CSMD1: variants seen among roughly 807,000 people sequenced by gnomAD.
The protein encoded by CSMD1 is CUB and sushi domain-containing protein 1.
A neutral mutation model predicts 417.5 loss-of-function variants in CSMD1; 213 were observed. That is an observed-to-expected ratio of 0.51 (90% confidence interval 0.46 to 0.57). The LOEUF is 0.57. CSMD1 is among the 20% of genes least tolerant of loss of function. The probability of loss-of-function intolerance (pLI) is 0.00; values close to 1 mark genes in which losing one functional copy is unlikely to be tolerated. For missense variants in CSMD1, 6,923 were observed against 4,529.7 expected (o/e 1.53, Z -15.17); for synonymous variants, 2,862 against 1,736.8 (o/e 1.65, Z -16.11).
Position 3,270,104 on chromosome 8 carries a change from C to G in CSMD1, c.4153+14040G>C, listed in dbSNP as rs905443226. On this transcript the variant is annotated intron_variant, in intron 26 of 69. Transcript: ENST00000635120. ...TTGCTCTGTTGCCCAGGGCGAAGTA[C>G]AGTGGCACTGTCTTGGCCCACTGCA... Among the ~76,000 whole-genome samples, 7 of 130,604 alleles carry G rather than the reference C, an allele frequency of 5.4e-5. No individual in the cohort carries two copies. The South Asian group carries it at 1.8e-3, about 34-fold the overall frequency. 85.7% of individuals were successfully genotyped at this position (130,604 alleles called of 152,430 possible).
At position 4,042,583 on chromosome 8, in the gene CSMD1, G is replaced by A. The variant is rs948397395; in HGVS notation, c.416-10484C>T. ...CCAGCGGAAGGTAATAGCATAGTAAGGAATTCCAAGCACCAGGAATGATAC... is the reference window on the plus strand; with the variant it reads ...CCAGCGGAAGGTAATAGCATAGTAAAGAATTCCAAGCACCAGGAATGATAC... On this transcript the variant is annotated intron_variant, in intron 3 of 69. Coordinates refer to ENST00000635120, the MANE Select transcript of CSMD1 (RefSeq NM_033225.6). Among the ~76,000 whole-genome samples, 5 of 151,750 alleles carry A rather than the reference G, an allele frequency of 3.3e-5. No individual in the cohort carries two copies. In the East Asian group the frequency reaches 9.7e-4, roughly 29 times the overall value.
At position 4,458,038 on chromosome 8, in the gene CSMD1, A is replaced by T. The variant is rs183059525; in HGVS notation, c.303-37973T>A. Among the ~76,000 whole-genome samples the T allele has an allele frequency of 2.6e-4, 40 of 152,204 alleles. No individual in the cohort carries two copies. In the East Asian group the frequency reaches 6.9e-3, roughly 26 times the overall value. On this transcript the variant is annotated intron_variant, in intron 2 of 69. Coordinates refer to ENST00000635120, the MANE Select transcript of CSMD1 (RefSeq NM_033225.6). Reference sequence around the variant, plus strand: ...TATATCCGGTATTCCTCTATTCTTTAAAATTCCTTTTACCCCTGAGGTACA... The same window carrying T: ...TATATCCGGTATTCCTCTATTCTTTTAAATTCCTTTTACCCCTGAGGTACA...
intron 10 of CSMD1, among the ~76,000 whole-genome samples, chr8:3,565,131 CA>C (rs869248314): frequency 0.15 from 1,561 of 10,166 alleles, 6 homozygotes; most frequent in East Asian, 0.21. Flanking sequence ...TGCAAGACAG[CA>C]AAAAAAAAAA....
At chr8:3,293,008 T>G (rs1302868300) in intron 25 of CSMD1, among the ~76,000 whole-genome samples, 3 of 152,176 alleles carry the variant, frequency 2.0e-5, no homozygotes, top group African/African-American at 7.2e-5. Flanking sequence ...AGGAGGTCTT[T>G]TAGGGCAGGC....
At chr8:4,951,984 T>C (rs1334221504) in intron 1 of CSMD1, among the ~76,000 whole-genome samples, 1 of 151,340 alleles carries the variant, frequency 6.6e-6, no homozygotes, top group African/African-American at 2.4e-5. Flanking sequence ...CTTCTAAACA[T>C]AGTTTATCTT....
chr8:4,360,612 C>A (rs1031870171), intron 3 of CSMD1, among the ~76,000 whole-genome samples: 4 of 151,764 alleles, frequency 2.6e-5, no homozygotes, highest in Admixed American at 6.5e-5. Context: ...GCCTCAGCCT[C>A]CAGAGTAGCT....
At chr8:2,984,510 G>A (rs1005720971) in intron 54 of CSMD1, among the ~76,000 whole-genome samples, 2 of 152,070 alleles carry the variant, frequency 1.3e-5, no homozygotes, top group Admixed American at 6.5e-5. Flanking sequence ...CACCATGCTC[G>A]GCTAATTTTT....
At chr8:4,824,936 A>T (rs745629210) in intron 1 of CSMD1, among the ~76,000 whole-genome samples, 1 of 152,116 alleles carries the variant, frequency 6.6e-6, no homozygotes, top group Non-Finnish European at 1.5e-5. Flanking sequence ...AAGCCAAGAC[A>T]TTTCTCGGGA....
intron 2 of CSMD1, among the ~76,000 whole-genome samples, chr8:4,471,448 C>G (rs1042250046): frequency 2.6e-5 from 4 of 152,186 alleles, no homozygotes; most frequent in South Asian, 2.1e-4. Flanking sequence ...GTCAGCAAGC[C>G]TCTCGACAAA....
intron 6 of CSMD1, among the ~76,000 whole-genome samples, chr8:3,726,667 T>C (rs1802516446): frequency 6.6e-6 from 1 of 152,146 alleles, no homozygotes; most frequent in Non-Finnish European, 1.5e-5. Flanking sequence ...GTGACATCAG[T>C]CTGTAGTTCT....
At chr8:3,794,820 C>A (rs1363391789) in intron 5 of CSMD1, among the ~76,000 whole-genome samples, 2 of 151,944 alleles carry the variant, frequency 1.3e-5, no homozygotes, top group Non-Finnish European at 2.9e-5. Context: ...AACTTTAATT[C>A]TGAAGGTAAA....
chr8:4,505,906 C>A (rs890454045), intron 2 of CSMD1, among the ~76,000 whole-genome samples: 1 of 151,968 alleles, frequency 6.6e-6, no homozygotes, highest in Non-Finnish European at 1.5e-5. Flanking sequence ...TCAAGCAATT[C>A]TCATGCCTCA....
At chr8:4,406,650 G>T (rs1585027059) in intron 3 of CSMD1, among the ~76,000 whole-genome samples, 1 of 152,102 alleles carries the variant, frequency 6.6e-6, no homozygotes, top group Non-Finnish European at 1.5e-5. Context: ...CAGGAAGCAT[G>T]GGCACTCCTC....
At chr8:3,676,244 T>G (rs546733083) in intron 7 of CSMD1, among the ~76,000 whole-genome samples, 1 of 152,200 alleles carries the variant, frequency 6.6e-6, no homozygotes, top group African/African-American at 2.4e-5. Flanking sequence ...GGGTCAGACA[T>G]GTACAGTTTT....
At chr8:3,709,421 G>A (rs1779712533) in intron 6 of CSMD1, among the ~76,000 whole-genome samples, 1 of 152,118 alleles carries the variant, frequency 6.6e-6, no homozygotes, top group African/African-American at 2.4e-5. Flanking sequence ...AAATAGCTGT[G>A]AGGGTTAGTT....
At chr8:4,918,654 G>C (rs1806230245) in intron 1 of CSMD1, among the ~76,000 whole-genome samples, 1 of 152,048 alleles carries the variant, frequency 6.6e-6, no homozygotes, top group Non-Finnish European at 1.5e-5. Flanking sequence ...TTTCTTTCTT[G>C]ACCCAATCTC....
At chr8:3,888,003 G>A (rs1312692291) in intron 5 of CSMD1, among the ~76,000 whole-genome samples, 1 of 152,098 alleles carries the variant, frequency 6.6e-6, no homozygotes, top group Non-Finnish European at 1.5e-5. Flanking sequence ...GTTATTAAAG[G>A]AGTCCAACTT....
intron 1 of CSMD1, among the ~76,000 whole-genome samples, chr8:4,808,378 G>A (rs529566003): frequency 9.2e-5 from 14 of 152,140 alleles, no homozygotes; most frequent in Non-Finnish European, 1.3e-4. Context: ...CTAGATTATA[G>A]ACCCTTTTGC....
intron 5 of CSMD1, among the ~76,000 whole-genome samples, chr8:3,994,557 G>T (rs188488593): frequency 7.3e-5 from 11 of 151,460 alleles, no homozygotes; most frequent in Non-Finnish European, 1.3e-4. Flanking sequence ...ACTCAAAATG[G>T]CAACTCTCTG....
Sources: gnomAD v4.1 joint callset for allele counts (sites outside exome capture counted in the v4.1 genomes callset) on GRCh38, gnomAD v4.1.1 for gene constraint, MANE v1.5 for transcripts, NCBI Gene and HGNC (gene_info 2026-07-23, HGNC 2026-07-21) for gene names.